SMAP1: variants seen among roughly 807,000 people sequenced by gnomAD.
The protein encoded by SMAP1 is small ArfGAP 1.
In SMAP1, 24 loss-of-function variants were observed where a neutral mutation model predicts 58.5. The ratio of observed to expected loss-of-function variants is 0.41; its 90% CI spans 0.30 to 0.58. The LOEUF (loss-of-function observed/expected upper bound fraction) is 0.58, where lower values mean the gene tolerates loss of function less well. SMAP1 is among the 20% of genes least tolerant of loss of function. SMAP1 has a pLI of 0.29. For synonymous variants in SMAP1, 216 were observed against 196.6 expected (o/e 1.10, Z -0.82); for missense variants, 563 against 566.3 (o/e 0.99, Z 0.06).
intron 7 of SMAP1, among the ~76,000 whole-genome samples, chr6:70,847,558 A>G (rs909178523): frequency 3.9e-5 from 6 of 152,094 alleles, no homozygotes; most frequent in Non-Finnish European, 8.8e-5. Flanking sequence ...TCCCATCTTC[A>G]TTTTACTGCA....
At chr6:70,691,795 G>A (rs1282985740) in intron 1 of SMAP1, among the ~76,000 whole-genome samples, 2 of 152,094 alleles carry the variant, frequency 1.3e-5, no homozygotes, top group Admixed American at 6.6e-5. Context: ...GACCTCATTC[G>A]TTTTTATTGC....
chr6:70,668,843 T>C (rs1381770294), intron 1 of SMAP1: 2 of 1,127,812 alleles, frequency 1.8e-6, no homozygotes, highest in Admixed American at 2.7e-5. Context: ...TGGAGGACGG[T>C]GGGTTTGTAT....
intron 4 of SMAP1, among the ~76,000 whole-genome samples, chr6:70,775,259 G>A (rs1272622327): frequency 6.6e-6 from 1 of 152,000 alleles, no homozygotes; most frequent in Non-Finnish European, 1.5e-5. Context: ...AATCATTTTA[G>A]TTTATTTTAG....
chr6:70,811,009 TA>T (rs1769364465), intron 6 of SMAP1, among the ~76,000 whole-genome samples: 1 of 152,226 alleles, frequency 6.6e-6, no homozygotes, highest in South Asian at 2.1e-4. Context: ...AACTGTGTAA[TA>T]ACTTCTTACA....
At chr6:70,717,700 T>A (rs917614097) in intron 1 of SMAP1, among the ~76,000 whole-genome samples, 68 of 152,340 alleles carry the variant, frequency 4.5e-4, no homozygotes, top group African/African-American at 1.6e-3. Context: ...ATCTTGCTGA[T>A]GTCACTGCTA....
At chr6:70,812,283 C>G (rs1021182550) in intron 6 of SMAP1, among the ~76,000 whole-genome samples, 2 of 152,164 alleles carry the variant, frequency 1.3e-5, no homozygotes, top group Non-Finnish European at 2.9e-5. Flanking sequence ...TCGAGTGAAT[C>G]AGAAATTAGC....
chr6:70,687,921 T>G (rs1290184794), intron 1 of SMAP1, among the ~76,000 whole-genome samples: 3 of 152,184 alleles, frequency 2.0e-5, no homozygotes, highest in Non-Finnish European at 4.4e-5. Context: ...AAGAATCTCT[T>G]GTGTTGCCCT....
Position 70,837,003 on chromosome 6 carries a change from G to T in SMAP1, c.639G>T (p.Glu213Asp). The T allele has an allele frequency of 6.3e-7, 1 of 1,599,252 alleles. No homozygotes were observed. The change falls in exon 7 of 11, where the codon GAG becomes GAT. Residue 213 changes from glutamate (E) to aspartate (D), a missense_variant. Glu to Asp is a conservative substitution (Grantham distance 45). Around this residue, in one of 3 missense-constraint regions of SMAP1, gnomAD observed 494 missense variants for 473.8 expected, o/e 1.04. Transcript: ENST00000370455. ...KKSTSPKKAA[E>D]PTVDLLGLDG... Reference sequence around the variant, plus strand: ...GTACCAGCCCTAAAAAAGCTGCGGAGCCCACTGTGGATCTTTTAGGACTTG... The same window carrying T: ...GTACCAGCCCTAAAAAAGCTGCGGATCCCACTGTGGATCTTTTAGGACTTG...
chr6:70,727,570 T>A (rs1765236299), intron 1 of SMAP1, among the ~76,000 whole-genome samples: 1 of 152,268 alleles, frequency 6.6e-6, no homozygotes, highest in African/African-American at 2.4e-5. Context: ...GCAGGATTTG[T>A]GTTTTGTCAT....
At chr6:70,847,259 C>A (rs1184654871) in intron 7 of SMAP1, among the ~76,000 whole-genome samples, 7 of 152,176 alleles carry the variant, frequency 4.6e-5, no homozygotes. Context: ...AATGTTACCT[C>A]TTTCTAACAT....
chr6:70,845,515 G>A (rs2150004793), intron 7 of SMAP1, among the ~76,000 whole-genome samples: 1 of 152,314 alleles, frequency 6.6e-6, no homozygotes, highest in African/African-American at 2.4e-5. Context: ...GCAGCTAGAG[G>A]AGAATAAAAT....
chr6:70,861,618 T>C lies in SMAP1; in HGVS notation c.*1284T>C, dbSNP rs766140024. On this transcript the variant is annotated 3_prime_UTR_variant, in exon 11 of 11. Coordinates refer to ENST00000370455, the MANE Select transcript of SMAP1 (RefSeq NM_001044305.3). ...CCTAAACTCCAAACATCCTCTTCCA[T>C]ATGGATCCACTGGCTGGACAAACTG... 3.9e-6 allele frequency: 6 copies of C among 1,557,044 alleles called. No individual in the cohort carries two copies. In the African/African-American group the frequency reaches 5.4e-5, roughly 14 times the overall value.
In SMAP1 at chr6:70,785,222, G is replaced by A. The variant is rs541456497; in HGVS notation, c.415-6467G>A. 7.2e-5 allele frequency among the ~76,000 whole-genome samples: 11 copies of A among 152,268 alleles called. No individual in the cohort carries two copies. In the South Asian group the frequency reaches 2.1e-3, roughly 29 times the overall value. ...ATGACTACTGGGTACATAACGAAATGAAGGCATAAATAAAGATGTTCTTTG... is the reference window on the plus strand; with the variant it reads ...ATGACTACTGGGTACATAACGAAATAAAGGCATAAATAAAGATGTTCTTTG... On this transcript the variant is annotated intron_variant, in intron 4 of 10. Transcript: ENST00000370455.
At chr6:70,788,373 C>G (rs545718858) in intron 4 of SMAP1, among the ~76,000 whole-genome samples, 4 of 151,122 alleles carry the variant, frequency 2.6e-5, no homozygotes, top group Non-Finnish European at 5.9e-5. Context: ...ATGGGTGCAG[C>G]ACACCAACAT....
At chr6:70,726,543 A>G (rs1768793726) in intron 1 of SMAP1, among the ~76,000 whole-genome samples, 1 of 152,172 alleles carries the variant, frequency 6.6e-6, no homozygotes, top group Admixed American at 6.5e-5. Flanking sequence ...TTTGTTCCTC[A>G]TCGTATTTTC....
intron 9 of SMAP1, chr6:70,857,591 G>C (rs1771484698): frequency 3.8e-6 from 1 of 262,888 alleles, no homozygotes; most frequent in African/African-American, 2.2e-5. Context: ...TTCGTACTGG[G>C]GGACCAGTGG....
At chr6:70,794,275 CT>C (rs1174395223) in intron 5 of SMAP1, among the ~76,000 whole-genome samples, 1 of 152,092 alleles carries the variant, frequency 6.6e-6, no homozygotes, top group Admixed American at 6.6e-5. Flanking sequence ...TTTCACAGTA[CT>C]TTTAGATCTT....
chr6:70,745,848 G>A (rs960873737), intron 2 of SMAP1, among the ~76,000 whole-genome samples: 125 of 152,000 alleles, frequency 8.2e-4, no homozygotes, highest in African/African-American at 2.7e-3. Flanking sequence ...CTTTTATTTC[G>A]TTGAGCAGTG....
intron 1 of SMAP1, among the ~76,000 whole-genome samples, chr6:70,704,922 A>G (rs921562770): frequency 6.6e-6 from 1 of 152,188 alleles, no homozygotes; most frequent in African/African-American, 2.4e-5. Flanking sequence ...GAAAGGGGCT[A>G]TTAATTGAAC....
Sources: gnomAD v4.1 joint callset for allele counts (sites outside exome capture counted in the v4.1 genomes callset) on GRCh38, gnomAD v4.1.1 for gene constraint, gnomAD v4.1.1 regional missense constraint, MANE v1.5 for transcripts, NCBI Gene and HGNC (gene_info 2026-07-23, HGNC 2026-07-21) for gene names.